The following RSU1 variants were observed in gnomAD, a reference collection of about 807,000 sequenced individuals.
RSU1 encodes the protein Ras suppressor protein 1, also known as rsu-1.
Under a neutral mutation model 31.1 loss-of-function variants are expected in RSU1, and 26 were observed. The ratio of observed to expected loss-of-function variants is 0.84; its 90% CI spans 0.61 to 1.16. The LOEUF (loss-of-function observed/expected upper bound fraction) is 1.16, where lower values mean the gene tolerates loss of function less well. RSU1 is among the 50% of genes most tolerant of loss of function. RSU1 has a pLI of 0.00. For synonymous variants in RSU1, 164 were observed against 136.3 expected, an observed-to-expected ratio of 1.20 and a Z score of -1.41; for missense variants, 320 against 339.1, an observed-to-expected ratio of 0.94 and a Z score of 0.44.
chr10:16,736,474 G>A (rs1396780517), intron 7 of RSU1, among the ~76,000 whole-genome samples: 4 of 151,980 alleles, frequency 2.6e-5, no homozygotes, highest in African/African-American at 9.7e-5. Context: ...TAAGGACCAA[G>A]TCTAACAGGC....
intron 8 of RSU1, among the ~76,000 whole-genome samples, chr10:16,673,623 G>A (rs1331150280): frequency 1.3e-5 from 2 of 152,174 alleles, no homozygotes; most frequent in African/African-American, 4.8e-5. Context: ...GACTGGCGCT[G>A]GATGTCCCTG....
intron 3 of RSU1, among the ~76,000 whole-genome samples, chr10:16,769,712 TCA>T (rs1422608936): frequency 6.6e-6 from 1 of 152,226 alleles, no homozygotes; most frequent in Non-Finnish European, 1.5e-5. Context: ...ATTGGCAGCA[TCA>T]CGATTATCAA....
intron 2 of RSU1, among the ~76,000 whole-genome samples, chr10:16,789,767 A>T (rs1837872999): frequency 6.6e-6 from 1 of 152,186 alleles, no homozygotes; most frequent in Non-Finnish European, 1.5e-5. Flanking sequence ...TGCTAACCAG[A>T]CACCATTCAG....
At chr10:16,637,020 GAAT>G (rs1834354592) in intron 8 of RSU1, among the ~76,000 whole-genome samples, 1 of 151,738 alleles carries the variant, frequency 6.6e-6, no homozygotes, top group Non-Finnish European at 1.5e-5. Flanking sequence ...ATAAATGAAT[GAAT>G]AATAAAAAAA....
At chr10:16,643,640 T>C (rs1834483478) in intron 8 of RSU1, among the ~76,000 whole-genome samples, 1 of 152,174 alleles carries the variant, frequency 6.6e-6, no homozygotes, top group Admixed American at 6.5e-5. Context: ...CTGCCTTTAT[T>C]AACTCTGTGA....
At chr10:16,663,908 C>T (rs184456472) in intron 8 of RSU1, among the ~76,000 whole-genome samples, 1 of 152,252 alleles carries the variant, frequency 6.6e-6, no homozygotes, top group East Asian at 1.9e-4. Flanking sequence ...CAGGTAGTGC[C>T]TCTAAGAAAA....
chr10:16,765,483 C>G (rs1837296604), intron 3 of RSU1, among the ~76,000 whole-genome samples: 1 of 152,170 alleles, frequency 6.6e-6, no homozygotes, highest in African/African-American at 2.4e-5. Context: ...AAATCAGCCA[C>G]TGGGGACCTG....
intron 8 of RSU1, among the ~76,000 whole-genome samples, chr10:16,595,359 C>A (rs150974044): frequency 1.1e-3 from 162 of 152,314 alleles, no homozygotes; most frequent in Non-Finnish European, 1.4e-3. Flanking sequence ...TCTAACTATT[C>A]CAGTCTTCCA....
At chr10:16,696,675 T>C (rs1287283712) in intron 7 of RSU1, among the ~76,000 whole-genome samples, 1 of 152,180 alleles carries the variant, frequency 6.6e-6, no homozygotes, top group African/African-American at 2.4e-5. Context: ...TGGTTAAACA[T>C]CGTTAGTCAG....
chr10:16,646,039 TACATATATGTGTATATATATATAC>T lies in RSU1; in HGVS notation c.731+48960_731+48983del, dbSNP rs1834561735. ...ATATATGTGTATATATATGTGTATATACATATATGTGTATATATATATACACACACACACACACACACACACACA... is the reference window on the plus strand; with the variant it reads ...ATATATGTGTATATATATGTGTATATACACACACACACACACACACACACA... On this transcript the variant is annotated intron_variant, in intron 8 of 8. Transcript: ENST00000345264. 3.4e-4 allele frequency among the ~76,000 whole-genome samples: 21 copies of T among 62,676 alleles called. 5 individuals are homozygous for T. Among genetic ancestry groups the T allele is most frequent in the African/African-American group, 1.1e-3 (17 of 14,866 alleles). 41.1% of individuals were successfully genotyped at this position (62,676 alleles called of 152,430 possible).
intron 8 of RSU1, among the ~76,000 whole-genome samples, chr10:16,678,273 A>T (rs568472096): frequency 6.6e-6 from 1 of 152,338 alleles, no homozygotes; most frequent in East Asian, 1.9e-4. Flanking sequence ...TTCTCAAGGA[A>T]AAACAGACTG....
chr10:16,788,081 G>C lies in RSU1; in HGVS notation c.110-5997C>G, dbSNP rs189862746. 1.5e-3 allele frequency among the ~76,000 whole-genome samples: 234 copies of C among 151,814 alleles called. 1 individual carries two copies. The highest frequency in any genetic ancestry group is 5.5e-3 in the African/African-American group (227 of 41,172). On this transcript the variant is annotated intron_variant, in intron 2 of 8. Coordinates refer to ENST00000345264, the MANE Select transcript of RSU1 (RefSeq NM_012425.4). ...CATTGCTCTATCCCTGAGATGTATAGTCTGACATGAAAAAAATCTCCCCAG... is the reference window on the plus strand; with the variant it reads ...CATTGCTCTATCCCTGAGATGTATACTCTGACATGAAAAAAATCTCCCCAG...
At chr10:16,766,479 C>G (rs771462272) in intron 3 of RSU1, among the ~76,000 whole-genome samples, 19 of 152,168 alleles carry the variant, frequency 1.2e-4, no homozygotes, top group Non-Finnish European at 2.6e-4. Flanking sequence ...CTTTAGGAGG[C>G]CGAGGTGGGT....
intron 8 of RSU1, among the ~76,000 whole-genome samples, chr10:16,665,504 TTA>T (rs1834972992): frequency 6.6e-6 from 1 of 152,168 alleles, no homozygotes; most frequent in African/African-American, 2.4e-5. Flanking sequence ...GCAAACATAG[TTA>T]TCTCAAAATC....
chr10:16,711,823 T>C (rs571094618), intron 7 of RSU1, among the ~76,000 whole-genome samples: 17 of 152,322 alleles, frequency 1.1e-4, no homozygotes, highest in Middle Eastern at 3.4e-3. Flanking sequence ...TCCTGGAGAA[T>C]GTTTCATGTG....
At chr10:16,705,095 G>A (rs890219930) in intron 7 of RSU1, among the ~76,000 whole-genome samples, 2 of 152,054 alleles carry the variant, frequency 1.3e-5, no homozygotes, top group Admixed American at 1.3e-4. Context: ...ACTGTTCTAA[G>A]TATCTCATAT....
chr10:16,817,239 T>TGGGGTAGGGCAGG (rs111960598), intron 1 of RSU1, 76 bp downstream of exon 1: 329,626 of 602,624 alleles, frequency 0.55, 97,189 homozygotes, highest in African/African-American at 0.9. Context: ...GGGGAGGGGA[T>TGGGGTAGGGCAGG]GGAGTGGGAA....
intron 8 of RSU1, among the ~76,000 whole-genome samples, chr10:16,617,797 C>G (rs905912420): frequency 1.3e-5 from 2 of 152,044 alleles, no homozygotes; most frequent in Non-Finnish European, 2.9e-5. Flanking sequence ...AAACAGAAAC[C>G]AGACCCCTTC....
At chr10:16,807,505 G>A (rs1179937347) in intron 2 of RSU1, among the ~76,000 whole-genome samples, 1 of 151,980 alleles carries the variant, frequency 6.6e-6, no homozygotes, top group South Asian at 2.1e-4. Flanking sequence ...ATTAACATAC[G>A]GTATACAAAG....
Sources: gnomAD v4.1 joint callset for allele counts (sites outside exome capture counted in the v4.1 genomes callset) on GRCh38, gnomAD v4.1.1 for gene constraint, MANE v1.5 for transcripts, NCBI Gene and HGNC (gene_info 2026-07-23, HGNC 2026-07-21) for gene names.